The following ABCC9 variants were observed in gnomAD, a reference collection of about 807,000 sequenced individuals.
ABCC9 encodes ATP binding cassette subfamily C member 9.
A neutral mutation model predicts 188.3 loss-of-function variants in ABCC9; 95 were observed. The ratio of observed to expected loss-of-function variants is 0.50; its 90% confidence interval spans 0.43 to 0.60. The LOEUF is 0.60. Ranked by LOEUF, ABCC9 falls within the 20% of genes least tolerant of loss-of-function variation. The pLI is 0.00. For synonymous variants in ABCC9, 659 were observed against 652.7 expected (o/e 1.01, Z -0.15); for missense variants, 1,102 against 1,876.3 (o/e 0.59, Z 7.62).
At chr12:21,882,942 A>G (rs2137656556) in intron 15 of ABCC9, 69 bp from the exon 16 acceptor site, 1 of 1,128,282 alleles carries the variant, frequency 8.9e-7, no homozygotes. Context: ...CTGAACACTT[A>G]CTCACATTGC....
At chr12:21,917,243 C>A in intron 5 of ABCC9, 140 bp from the exon 6 acceptor site, 1 of 896,902 alleles carries the variant, frequency 1.1e-6, no homozygotes, top group East Asian at 2.6e-5. Flanking sequence ...GGTAAGAAAA[C>A]AACATATATG....
intron 22 of ABCC9, 149 bp downstream of exon 22, chr12:21,859,437 G>A (rs1945392847): frequency 1.3e-6 from 1 of 786,862 alleles, no homozygotes; most frequent in Admixed American, 2.0e-5. Flanking sequence ...CTACTAATCT[G>A]TACTTCAAGG....
chr12:21,867,647 A>G (rs980621847), intron 18 of ABCC9, among the ~76,000 whole-genome samples: 1 of 152,164 alleles, frequency 6.6e-6, no homozygotes, highest in African/African-American at 2.4e-5. Flanking sequence ...CTGACTTAAT[A>G]TTATTATTCC....
At chr12:21,891,150 G>T (rs1947142900) in intron 14 of ABCC9, among the ~76,000 whole-genome samples, 1 of 152,022 alleles carries the variant, frequency 6.6e-6, no homozygotes, top group Non-Finnish European at 1.5e-5. Flanking sequence ...TGGACTCCCT[G>T]CAGATTTCAG....
intron 22 of ABCC9, among the ~76,000 whole-genome samples, chr12:21,856,391 CTT>C (rs1352788195): frequency 2.6e-5 from 4 of 151,876 alleles, no homozygotes; most frequent in Admixed American, 6.6e-5. Flanking sequence ...AATATATTCT[CTT>C]ATATATTCAA....
Position 21,798,239 on chromosome 12 carries a change from A to G in ABCC9, c.*2805T>C, listed in dbSNP as rs1024055929. On this transcript the variant is annotated 3_prime_UTR_variant, in exon 40 of 40. Transcript: ENST00000261200. ...TATAATAAGAAAATATCATTAAAAG[A>G]TTACTTCCACAATGGTTGAACTAGT... 2.6e-5 allele frequency: 4 copies of G among 152,206 alleles called. No individual in the cohort carries two copies. Among genetic ancestry groups the G allele is most frequent in the Non-Finnish European group, 5.9e-5 (4 of 68,038 alleles). 9.4% of individuals were successfully genotyped at this position (152,206 alleles called of 1,614,324 possible).
chr12:21,887,705 T>C, intron 15 of ABCC9, 121 bp downstream of exon 15: 2 of 736,446 alleles, frequency 2.7e-6, no homozygotes, highest in South Asian at 3.0e-5. Flanking sequence ...AGTCGTGATT[T>C]TTCTTCACAT....
chr12:21,862,506 T>C (rs1163120382), intron 20 of ABCC9, among the ~76,000 whole-genome samples: 2 of 152,158 alleles, frequency 1.3e-5, no homozygotes, highest in African/African-American at 4.8e-5. Flanking sequence ...TCTTATGTGG[T>C]GGTGGTATTT....
At chr12:21,872,097 T>C (rs1946112502) in intron 18 of ABCC9, among the ~76,000 whole-genome samples, 1 of 152,228 alleles carries the variant, frequency 6.6e-6, no homozygotes, top group Non-Finnish European at 1.5e-5. Context: ...TTCTTTTCCA[T>C]GTCTTTAGAA....
Position 21,804,267 on chromosome 12 carries a change from A to T in ABCC9, c.4512+1731T>A, listed in dbSNP as rs1023524174. Reference sequence around the variant, plus strand: ...AGAGGTAACCTAATTAGGAAACCTAACATTTTGTTAAAAATACAAATTATG... The same window carrying T: ...AGAGGTAACCTAATTAGGAAACCTATCATTTTGTTAAAAATACAAATTATG... On this transcript the variant is annotated intron_variant, in intron 39 of 39. Transcript: ENST00000261200. Among the ~76,000 whole-genome samples, 3 of 152,230 alleles carry T rather than the reference A, an allele frequency of 2.0e-5. No individual in the cohort carries two copies. The East Asian group carries it at 5.8e-4, about 29-fold the overall frequency.
chr12:21,885,361 T>C (rs2137673350), intron 15 of ABCC9, among the ~76,000 whole-genome samples: 1 of 152,320 alleles, frequency 6.6e-6, no homozygotes, highest in African/African-American at 2.4e-5. Flanking sequence ...CTGAAGATAT[T>C]GGATGCATTT....
chr12:21,896,079 C>CTTTTTT (rs5796933), intron 12 of ABCC9, among the ~76,000 whole-genome samples: 1 of 128,042 alleles, frequency 7.8e-6, no homozygotes, highest in African/African-American at 2.9e-5. Flanking sequence ...ATCTAATTTT[C>CTTTTTT]TTTTTTTTTT....
intron 11 of ABCC9, among the ~76,000 whole-genome samples, chr12:21,907,647 T>C (rs1311750504): frequency 2.6e-5 from 4 of 152,006 alleles, no homozygotes; most frequent in African/African-American, 9.7e-5. Context: ...TGTGACTCCA[T>C]AGATCCTCAC....
At position 21,925,977 on chromosome 12, in the gene ABCC9, T is replaced by C. The variant is rs781160274; in HGVS notation, c.371A>G (p.Asn124Ser). ...TTTAGGAAAATTTGATGTTTCGATA[T>C]TATGATAATACACTATCGATGTTGT... Reference protein sequence around the residue: ...ATTTSIVYYHNIETSNFPKLL... With the variant: ...ATTTSIVYYHSIETSNFPKLL... The change falls in exon 5 of 40, where the codon AAT (asparagine) becomes AGT (serine). Residue 124 changes from asparagine (N) to serine (S), a missense_variant. By Grantham distance (46) the Asn-to-Ser change is conservative. This residue lies in a region of ABCC9 where 305 missense variants were observed against 573.0 expected (regional missense o/e 0.53). Transcript: ENST00000261200. 5 of 1,613,132 alleles carry C rather than the reference T, an allele frequency of 3.1e-6. No individual in the cohort carries two copies. The Admixed American group carries it at 5.0e-5, about 16-fold the overall frequency.
chr12:21,849,830 T>C (rs575942584), intron 24 of ABCC9, among the ~76,000 whole-genome samples: 8 of 152,302 alleles, frequency 5.3e-5, no homozygotes, highest in African/African-American at 1.9e-4. Flanking sequence ...TTTATTCTGC[T>C]TAACAGCATT....
At position 21,845,642 on chromosome 12, in the gene ABCC9, T is replaced by C. The variant is rs886038903; in HGVS notation, c.3057A>G (p.Thr1019=). The change falls in exon 26 of 40, where the codon ACA becomes ACG. Residue 1019 remains threonine, a synonymous_variant. Coordinates refer to ENST00000261200, the MANE Select transcript of ABCC9 (RefSeq NM_020297.4). The stretch of plus-strand genomic sequence containing the variant: ...CAGTATTGTTTATACTGTACTCCGA[T>C]GTCCATGTGGCCAGCCAATAGTCTA... ...VAIDYWLATW[T]SEYSINNTGK... 2.5e-6 allele frequency: 4 copies of C among 1,613,708 alleles called. No homozygotes were observed. Among genetic ancestry groups the C allele is most frequent in the Admixed American group, 1.7e-5 (1 of 59,986 alleles).
At chr12:21,879,435 C>A (rs1946521721) in intron 16 of ABCC9, among the ~76,000 whole-genome samples, 1 of 152,056 alleles carries the variant, frequency 6.6e-6, no homozygotes, top group African/African-American at 2.4e-5. Flanking sequence ...TGGTTGCTGC[C>A]TGGGGCAAGG....
intron 6 of ABCC9, 104 bp downstream of exon 6, chr12:21,916,833 A>G (rs926292582): frequency 4.1e-5 from 40 of 979,034 alleles, no homozygotes; most frequent in Non-Finnish European, 5.3e-5. Flanking sequence ...TAAATCAAAT[A>G]CATGTGTTCA....
Position 21,814,732 on chromosome 12 carries a change from C to T in ABCC9, c.4024-10G>A, listed in dbSNP as rs1942487891. 1.2e-6 allele frequency: 2 copies of T among 1,612,876 alleles called. No individual in the cohort carries two copies. Among genetic ancestry groups the T allele is most frequent in the African/African-American group, 1.3e-5 (1 of 74,882 alleles). Reference sequence around the variant, plus strand: ...GACCACATATGCCCACCTAGGAAAACAGCTGTCACTCAAAGAGAAGAGGAC... The same window carrying T: ...GACCACATATGCCCACCTAGGAAAATAGCTGTCACTCAAAGAGAAGAGGAC... On this transcript the variant is annotated splice_polypyrimidine_tract_variant and intron_variant, in intron 34 of 39. Coordinates refer to ENST00000261200, the MANE Select transcript of ABCC9 (RefSeq NM_020297.4).
Sources: allele counts gnomAD v4.1 joint callset (sites outside exome capture counted in the v4.1 genomes callset), GRCh38; gene constraint gnomAD v4.1.1; regional missense constraint gnomAD v4.1.1; transcripts MANE v1.5; gene names NCBI Gene and HGNC (gene_info 2026-07-23, HGNC 2026-07-21).